The following FOXK1 variants were observed in gnomAD, a reference collection of about 807,000 sequenced individuals.
FOXK1 encodes the protein forkhead box protein K1.
Under a neutral mutation model 51.9 loss-of-function variants are expected in FOXK1, and 19 were observed. The ratio of observed to expected loss-of-function variants is 0.37; its 90% confidence interval spans 0.26 to 0.54. FOXK1 has a LOEUF of 0.54. FOXK1 is among the 20% of genes least tolerant of loss of function. The pLI is 0.87. For synonymous variants in FOXK1, 537 were observed against 482.6 expected (o/e 1.11, Z -1.48); for missense variants, 870 against 1,032.7 (o/e 0.84, Z 2.16).
At chr7:4,757,671 C>T (rs192165136) in intron 5 of FOXK1, among the ~76,000 whole-genome samples, 1 of 94,644 alleles carries the variant, frequency 1.1e-5, no homozygotes, top group African/African-American at 4.0e-5. Flanking sequence ...AAAAGTAATA[C>T]AAATGAAACA....
chr7:4,721,886 C>CG (rs531864076), intron 1 of FOXK1, among the ~76,000 whole-genome samples: 113 of 152,290 alleles, frequency 7.4e-4, no homozygotes, highest in African/African-American at 2.6e-3. Context: ...CCACCACGCC[C>CG]GGCCTGTTTT....
At chr7:4,712,304 G>A (rs1361301487) in intron 1 of FOXK1, among the ~76,000 whole-genome samples, 7 of 152,020 alleles carry the variant, frequency 4.6e-5, no homozygotes, top group Admixed American at 6.6e-5. Flanking sequence ...CCATAAATGC[G>A]GCTGCTTTAA....
chr7:4,751,560 T>A (rs551662093), intron 2 of FOXK1, among the ~76,000 whole-genome samples: 2 of 152,134 alleles, frequency 1.3e-5, no homozygotes, highest in East Asian at 3.9e-4. Flanking sequence ...GCTTCCCGCC[T>A]CCGTCAGCTG....
Position 4,762,298 on chromosome 7 carries a change from C to T in FOXK1, c.2036C>T (p.Thr679Met), listed in dbSNP as rs1193253739. 16 of 1,550,190 alleles carry T rather than the reference C, an allele frequency of 1.0e-5. No homozygotes were observed. In the African/African-American group the frequency reaches 1.2e-4, roughly 12 times the overall value. Residue 679 changes from threonine (T) to methionine (M), a missense_variant, in exon 9 of 9, where the codon ACG becomes ATG. Thr to Met is a moderately conservative substitution (Grantham distance 81). This residue lies in a region of FOXK1 where 457 missense variants were observed against 510.8 expected (regional missense o/e 0.89). Transcript: ENST00000328914. The surrounding 1 kb of genome is among the most constrained non-coding windows in gnomAD (Gnocchi z 5.7). The stretch of plus-strand genomic sequence containing the variant: ...GAGCCAGCAGCAGCCGTCGCGGCCA[C>T]GGCCACCACCACCCCAGCCACTGCC... The part of the protein sequence containing the change: ...PKEPAAAVAA[T>M]ATTTPATATT...
In FOXK1 at chr7:4,709,760, G is replaced by T. The variant is rs1392875379; in HGVS notation, c.560+26892G>T. ...TTCCACAGTGTCATGATAATTCTTG[G>T]CGTTGAGTGACCTCACGATGTGCTG... On this transcript the variant is annotated intron_variant, in intron 1 of 8. Transcript: ENST00000328914. This position sits in a 1 kb window ranked among gnomAD's most constrained non-coding sequence, Gnocchi z 5.6. 6.6e-6 allele frequency among the ~76,000 whole-genome samples: 1 copy of T among 152,186 alleles called. No individual in the cohort carries two copies. Among genetic ancestry groups the T allele is most frequent in the Admixed American group, 6.5e-5 (1 of 15,278 alleles).
rs4607503 is a variant in FOXK1 at position 4,715,924 on chromosome 7, C to T, written c.561-24914C>T. Reference sequence around the variant, plus strand: ...TGGCCACCAATATCTGCTGTCTGTGCTTAAAGGATCAAAAATGCAGACCTC... The same window carrying T: ...TGGCCACCAATATCTGCTGTCTGTGTTTAAAGGATCAAAAATGCAGACCTC... On this transcript the variant is annotated intron_variant, in intron 1 of 8. Coordinates refer to ENST00000328914, the MANE Select transcript of FOXK1 (RefSeq NM_001037165.2). The surrounding 1 kb of genome is among the most constrained non-coding windows in gnomAD (Gnocchi z 4.5). Among the ~76,000 whole-genome samples, 4,695 of 152,288 alleles carry T rather than the reference C, an allele frequency of 0.031. 231 individuals carry two copies. The highest frequency in any genetic ancestry group is 0.11 in the African/African-American group (4,379 of 41,544).
At chr7:4,687,430 T>C (rs193178296) in intron 1 of FOXK1, among the ~76,000 whole-genome samples, 7 of 152,056 alleles carry the variant, frequency 4.6e-5, no homozygotes, top group Admixed American at 3.3e-4. Flanking sequence ...GTAGCTGGGA[T>C]TACAGGCGCA....
chr7:4,695,462 G>T (rs577100846), intron 1 of FOXK1, among the ~76,000 whole-genome samples: 1 of 152,274 alleles, frequency 6.6e-6, no homozygotes, highest in East Asian at 1.9e-4. Context: ...TTATATCTGT[G>T]CTGTCCAACA....
At chr7:4,690,601 G>A (rs1305690255) in intron 1 of FOXK1, among the ~76,000 whole-genome samples, 1 of 152,250 alleles carries the variant, frequency 6.6e-6, no homozygotes, top group African/African-American at 2.4e-5. Context: ...TATGAGGAGG[G>A]TGTTGTCGTG....
intron 1 of FOXK1, among the ~76,000 whole-genome samples, chr7:4,718,241 C>G (rs1178335799): frequency 6.6e-6 from 1 of 152,240 alleles, no homozygotes; most frequent in African/African-American, 2.4e-5. Context: ...GTCATCTCAT[C>G]CCGTGTGGCT....
At position 4,770,048 on chromosome 7, in the gene FOXK1, C is replaced by G. The variant is rs1583218197; in HGVS notation, c.*7584C>G. 6.6e-6 allele frequency: 1 copy of G among 152,346 alleles called. No individual in the cohort carries two copies. The highest frequency in any genetic ancestry group is 1.9e-4 in the East Asian group (1 of 5,184). The allele number at this position is 152,346 out of a possible 1,614,324, so 9.4% of individuals were successfully genotyped here. Reference sequence around the variant, plus strand: ...CTAGAGGTAAAAGCAGCTTCTAGAACTGGCCCCTAAGTCTCCAAATGTGTT... The same window carrying G: ...CTAGAGGTAAAAGCAGCTTCTAGAAGTGGCCCCTAAGTCTCCAAATGTGTT... On this transcript the variant is annotated 3_prime_UTR_variant, in exon 9 of 9. Transcript: ENST00000328914.
rs1781042598 is a variant in FOXK1, at chr7:4,768,150, T to TTTTTTTTTTTTTTTA, written c.*5686_*5687insTTTTTTTTTTTTTTA. On this transcript the variant is annotated 3_prime_UTR_variant, in exon 9 of 9. Transcript: ENST00000328914. Reference sequence around the variant, plus strand: ...TTTTTTTTTTTTTTTTTTTTTTTTTTGAGACGGAGTCTCGCTCTGTCGCCC... The same window carrying TTTTTTTTTTTTTTTA: ...TTTTTTTTTTTTTTTTTTTTTTTTTTTTTTTTTTTTTTTTAGAGACGGAGTCTCGCTCTGTCGCCC... 7.3e-6 allele frequency: 1 copy of TTTTTTTTTTTTTTTA among 136,428 alleles called. No homozygotes were observed. Among genetic ancestry groups the TTTTTTTTTTTTTTTA allele is most frequent in the African/African-American group, 3.2e-5 (1 of 31,072 alleles). 8.5% of individuals were successfully genotyped at this position (136,428 alleles called of 1,614,324 possible). A position where few individuals can be genotyped will look rare whatever the true frequency, so the allele number is the denominator to read the frequency against.
Position 4,761,120 on chromosome 7 carries a change from A to T in FOXK1, c.1753A>T (p.Ile585Phe). 3 of 1,612,956 alleles carry T rather than the reference A, an allele frequency of 1.9e-6. No individual in the cohort carries two copies. The highest frequency in any genetic ancestry group is 2.5e-6 in the Non-Finnish European group (3 of 1,180,008). The change falls in exon 8 of 9, where the codon ATC becomes TTC. Residue 585 changes from isoleucine to phenylalanine, a missense_variant. Coordinates refer to ENST00000328914, the MANE Select transcript of FOXK1 (RefSeq NM_001037165.2). This position sits in a 1 kb window ranked among gnomAD's most constrained non-coding sequence, Gnocchi z 6.2. ...CACAATCCCCGCGGCTGGTGGAGTCATCCAGACGGTGGCCAGCCAGATGGC... is the reference window on the plus strand; with the variant it reads ...CACAATCCCCGCGGCTGGTGGAGTCTTCCAGACGGTGGCCAGCCAGATGGC... Reference protein sequence around the residue: ...FATIPAAGGVIQTVASQMAPG... With the variant: ...FATIPAAGGVFQTVASQMAPG...
Position 4,768,237 on chromosome 7 carries a change from A to G in FOXK1, c.*5773A>G, listed in dbSNP as rs924524161. On this transcript the variant is annotated 3_prime_UTR_variant, in exon 9 of 9. Coordinates refer to ENST00000328914, the MANE Select transcript of FOXK1 (RefSeq NM_001037165.2). ...AAGCTCCGCCTCCCGGGTTCACGCC[A>G]TTCTCCTGCCTCAGCCTCCCGAGTA... 7.8e-6 allele frequency: 1 copy of G among 128,458 alleles called. No homozygotes were observed. The highest frequency in any genetic ancestry group is 8.6e-5 in the Admixed American group (1 of 11,620). The allele number at this position is 128,458 out of a possible 1,614,324, so 8.0% of individuals were successfully genotyped here. A position where few individuals can be genotyped will look rare whatever the true frequency, so the allele number is the denominator to read the frequency against.
intron 1 of FOXK1, among the ~76,000 whole-genome samples, chr7:4,708,067 G>A (rs1381543412): frequency 6.6e-6 from 1 of 151,858 alleles, no homozygotes; most frequent in East Asian, 1.9e-4. Context: ...AACTGGTGGG[G>A]AGTGAACTGG....
At chr7:4,699,423 CA>C (rs1196737986) in intron 1 of FOXK1, among the ~76,000 whole-genome samples, 1 of 150,476 alleles carries the variant, frequency 6.6e-6, no homozygotes, top group East Asian at 2.0e-4. Context: ...GGCCGGAGTG[CA>C]GTGACACGAT....
At chr7:4,742,072 G>A (rs1234900953) in intron 2 of FOXK1, among the ~76,000 whole-genome samples, 1 of 152,280 alleles carries the variant, frequency 6.6e-6, no homozygotes, top group East Asian at 1.9e-4. Context: ...ATGCGTGGCT[G>A]CGCGTGGTTT....
At chr7:4,689,021 G>A (rs898264146) in intron 1 of FOXK1, among the ~76,000 whole-genome samples, 7 of 150,722 alleles carry the variant, frequency 4.6e-5, no homozygotes, top group Admixed American at 4.6e-4. Context: ...TTGTCACCCA[G>A]GCTGGAGTGC....
intron 1 of FOXK1, among the ~76,000 whole-genome samples, chr7:4,716,634 C>T (rs1177046240): frequency 6.6e-6 from 1 of 152,224 alleles, no homozygotes; most frequent in Non-Finnish European, 1.5e-5. Context: ...GAGCCTGAGC[C>T]TGGGTCCTTC....
Sources: allele counts gnomAD v4.1 joint callset (sites outside exome capture counted in the v4.1 genomes callset), GRCh38; gene constraint gnomAD v4.1.1; regional missense constraint gnomAD v4.1.1; non-coding constraint Gnocchi (gnomAD v3.1); transcripts MANE v1.5; gene names NCBI Gene and HGNC (gene_info 2026-07-23, HGNC 2026-07-21).